Variants in QRSL1 observed in about 807,000 individuals in gnomAD.
QRSL1 encodes the protein glutaminyl-tRNA amidotransferase subunit QRSL1.
Under a neutral mutation model 61.6 loss-of-function variants are expected in QRSL1, and 54 were observed. The ratio of observed to expected loss-of-function variants is 0.88; its 90% CI spans 0.70 to 1.10. The LOEUF (loss-of-function observed/expected upper bound fraction) is 1.10, where lower values mean the gene tolerates loss of function less well. Among genes scored for constraint, QRSL1 ranks in the 50% least tolerant of loss-of-function variants. The pLI is 0.00. For missense variants in QRSL1, 505 were observed against 622.6 expected (o/e 0.81, Z 2.01); for synonymous variants, 228 against 225.7 (o/e 1.01, Z -0.09).
intron 9 of QRSL1, among the ~76,000 whole-genome samples, chr6:106,657,536 C>T (rs567037891): frequency 3.9e-5 from 6 of 152,224 alleles, no homozygotes; most frequent in African/African-American, 1.4e-4. Context: ...AAGCATTCCT[C>T]ATGATCACCA....
chr6:106,652,641 A>C lies in QRSL1; in HGVS notation c.849+59A>C, dbSNP rs531402495. The C allele has an allele frequency of 9.3e-6, 15 of 1,608,326 alleles. No homozygotes were observed. The East Asian group carries it at 1.6e-4, about 17-fold the overall frequency. On this transcript the variant is annotated intron_variant, in intron 7 of 10. Coordinates refer to ENST00000369046, the MANE Select transcript of QRSL1 (RefSeq NM_018292.5). ...CTGTCAAGTCCAATAGAGAGCACAG[A>C]CTTGGGAGGCGGATTGGGTGGGTTT...
chr6:106,648,219 C>G (rs1777142541), intron 4 of QRSL1, among the ~76,000 whole-genome samples: 1 of 151,742 alleles, frequency 6.6e-6, no homozygotes, highest in Non-Finnish European at 1.5e-5. Context: ...TTGCTTGAAT[C>G]TGGGAGGCGG....
chr6:106,663,079 T>G lies in QRSL1; in HGVS notation c.1260T>G (p.Thr420=). 1 of 1,613,738 alleles carries G rather than the reference T, an allele frequency of 6.2e-7. No homozygotes were observed. The highest frequency in any genetic ancestry group is 8.5e-7 in the Non-Finnish European group (1 of 1,179,588). Residue 420 remains threonine, a synonymous_variant, in exon 10 of 11, where the codon ACT becomes ACG. Transcript: ENST00000369046. ...ACTCTGGAGTAGATGTCTTGCTAAC[T>G]CCCACCACCTTGAGTGAGGCAGTAC... is the stretch of plus-strand genomic sequence containing the variant. ...AFNSGVDVLL[T]PTTLSEAVPY...
chr6:106,633,464 C>T (rs529722061), intron 1 of QRSL1, among the ~76,000 whole-genome samples: 9 of 151,798 alleles, frequency 5.9e-5, no homozygotes, highest in African/African-American at 7.3e-5. Context: ...GGGAAATTTG[C>T]GGGGAATTAG....
chr6:106,665,643 AAGCATTATAT>A, intron 10 of QRSL1, 129 bp from the exon 11 acceptor site: 1 of 721,594 alleles, frequency 1.4e-6, no homozygotes, highest in South Asian at 1.6e-5. Context: ...CATAGTACAA[AAGCATTATAT>A]AGCATAATAT....
In QRSL1 at chr6:106,629,602, C is replaced by T; in HGVS notation, c.-80C>T. The T allele has an allele frequency of 6.6e-7, 1 of 1,518,964 alleles. No individual in the cohort carries two copies. Among genetic ancestry groups the T allele is most frequent in the Non-Finnish European group, 8.9e-7 (1 of 1,121,484 alleles). 94.1% of individuals were successfully genotyped at this position (1,518,964 alleles called of 1,614,324 possible). On this transcript the variant is annotated 5_prime_UTR_variant, in exon 1 of 11. Coordinates refer to ENST00000369046, the MANE Select transcript of QRSL1 (RefSeq NM_018292.5). ...CAGTGACAATTAAAGATGGCTGCGC[C>T]CATGTAACATCACTAGCGACCGGTG...
At chr6:106,665,553 C>G (rs560721369) in intron 10 of QRSL1, among the ~76,000 whole-genome samples, 1 of 152,188 alleles carries the variant, frequency 6.6e-6, no homozygotes, top group Non-Finnish European at 1.5e-5. Flanking sequence ...GAGTACTATA[C>G]AGCAATAAGA....
rs1447928275 is a variant in QRSL1, at chr6:106,654,908, A to T, written c.1028A>T (p.Asp343Val). The T allele has an allele frequency of 1.4e-5, 22 of 1,599,288 alleles. No homozygotes were observed. The Admixed American group carries it at 3.6e-4, about 26-fold the overall frequency. ...SEVASNMARF[D>V]GLQYGHRCDI... Reference sequence around the variant, plus strand: ...GTGGCATCGAATATGGCAAGATTTGATGGGCTACAATATGGTAAGATGGCT... The same window carrying T: ...GTGGCATCGAATATGGCAAGATTTGTTGGGCTACAATATGGTAAGATGGCT... The change falls in exon 8 of 11, where the codon GAT (aspartate) becomes GTT (valine). Residue 343 changes from aspartate (D) to valine (V), a missense_variant. Transcript: ENST00000369046.
chr6:106,642,873 C>T, intron 3 of QRSL1, 121 bp from the exon 4 acceptor site: 2 of 813,990 alleles, frequency 2.5e-6, no homozygotes, highest in South Asian at 2.9e-5. Context: ...TGTGTGAGAA[C>T]CAATGGGAAG....
At chr6:106,664,257 A>C (rs1562173685) in intron 10 of QRSL1, among the ~76,000 whole-genome samples, 1 of 152,146 alleles carries the variant, frequency 6.6e-6, no homozygotes, top group South Asian at 2.1e-4. Flanking sequence ...TTTTTTCTTT[A>C]AAACCACATC....
At chr6:106,646,737 T>C (rs1433604687) in intron 4 of QRSL1, among the ~76,000 whole-genome samples, 1 of 152,004 alleles carries the variant, frequency 6.6e-6, no homozygotes, top group Non-Finnish European at 1.5e-5. Context: ...CTTAAAAAAT[T>C]GATAGACTTG....
At chr6:106,664,760 C>T (rs1350972977) in intron 10 of QRSL1, among the ~76,000 whole-genome samples, 1 of 152,188 alleles carries the variant, frequency 6.6e-6, no homozygotes, top group Non-Finnish European at 1.5e-5. Flanking sequence ...TTGATCACTT[C>T]GCTAAGGAAG....
chr6:106,652,773 C>T, intron 7 of QRSL1, 191 bp downstream of exon 7: 2 of 1,497,432 alleles, frequency 1.3e-6, no homozygotes, highest in Non-Finnish European at 1.8e-6. Flanking sequence ...AAAATACTGA[C>T]TTCAGAGAGG....
At position 106,639,111 on chromosome 6, in the gene QRSL1, G is replaced by GTT. The variant is rs1562164982; in HGVS notation, c.25-1235_25-1234dup. ...ACCTAACTTGTGTGGTTATTTGTGT[G>GTT]TTTTGTTGTTTTTTTTTTTTTTTTT... is the stretch of plus-strand genomic sequence containing the variant. On this transcript the variant is annotated intron_variant, in intron 1 of 10. Coordinates refer to ENST00000369046, the MANE Select transcript of QRSL1 (RefSeq NM_018292.5). Among the ~76,000 whole-genome samples, 48 of 60,744 alleles carry GTT rather than the reference G, an allele frequency of 7.9e-4. 1 individual carries two copies. Among genetic ancestry groups the GTT allele is most frequent in the African/African-American group, 2.7e-3 (40 of 14,932 alleles). 39.9% of individuals were successfully genotyped at this position (60,744 alleles called of 152,430 possible).
At chr6:106,647,167 G>A (rs1477831746) in intron 4 of QRSL1, among the ~76,000 whole-genome samples, 1 of 151,226 alleles carries the variant, frequency 6.6e-6, no homozygotes, top group Admixed American at 6.6e-5. Flanking sequence ...ATGTATCTCA[G>A]AAAGAACCGA....
In QRSL1 at chr6:106,666,719, C is replaced by T. The variant is rs1777440249; in HGVS notation, c.*717C>T. On this transcript the variant is annotated 3_prime_UTR_variant, in exon 11 of 11. Transcript: ENST00000369046. ...AGGCAACTTATCATGTGGTGAAGGC[C>T]GCCTCAGGGGTTGTTAAAAATGCAC... 6.6e-6 allele frequency: 1 copy of T among 152,238 alleles called. No individual in the cohort carries two copies. Among genetic ancestry groups the T allele is most frequent in the Non-Finnish European group, 1.5e-5 (1 of 68,156 alleles). 9.4% of individuals were successfully genotyped at this position (152,238 alleles called of 1,614,324 possible). A position where few individuals can be genotyped will look rare whatever the true frequency, so the allele number is the denominator to read the frequency against.
At chr6:106,629,826 G>C (rs954502712) in intron 1 of QRSL1, 121 bp downstream of exon 1, 28 of 1,214,350 alleles carry the variant, frequency 2.3e-5, no homozygotes, top group Non-Finnish European at 3.1e-5. Flanking sequence ...CTCTAGAACT[G>C]AGTGGGGGAT....
At chr6:106,642,518 C>A in intron 3 of QRSL1, 2 of 693,834 alleles carry the variant, frequency 2.9e-6, no homozygotes, top group South Asian at 3.0e-5. Flanking sequence ...AGGCCTTTTA[C>A]AAAACAGGGA....
intron 1 of QRSL1, among the ~76,000 whole-genome samples, chr6:106,633,105 A>G (rs769351664): frequency 1.4e-4 from 22 of 152,320 alleles, no homozygotes; most frequent in Non-Finnish European, 2.5e-4. Context: ...TATTTAGGAG[A>G]GCTGACCCAG....
Sources: gnomAD v4.1 joint callset for allele counts (sites outside exome capture counted in the v4.1 genomes callset) on GRCh38, gnomAD v4.1.1 for gene constraint, MANE v1.5 for transcripts, NCBI Gene and HGNC (gene_info 2026-07-23, HGNC 2026-07-21) for gene names.